Variants in SPRY3 observed in about 807,000 individuals in gnomAD.
SPRY3 encodes protein sprouty homolog 3.
Under a neutral mutation model 20.2 loss-of-function variants are expected in SPRY3, and 15 were observed. The observed-to-expected ratio is 0.74, with a 90% confidence interval of 0.50 to 1.14. The LOEUF is 1.14. SPRY3 is among the 50% of genes most tolerant of loss of function. The pLI is 0.00. For synonymous variants in SPRY3, 143 were observed against 136.5 expected (o/e 1.05, Z -0.33); for missense variants, 364 against 363.9 (o/e 1.00, Z 0.00).
At chrX:155,781,554 T>A (rs700453), downstream of SPRY3, 167,091 of 167,092 alleles carry the variant, frequency 1, 83,545 homozygotes, top group Non-Finnish European at 1. Context: ...CCAGGTCTGC[T>A]GACTCCTAGG....
At chrX:155,724,183 T>C (rs1260109900) in intron 2 of SPRY3, among the ~76,000 whole-genome samples, 1 of 152,206 alleles carries the variant, frequency 6.6e-6, no homozygotes, top group Non-Finnish European at 1.5e-5. Context: ...TTTTGGTTAC[T>C]GCAGTCTTGC....
chrX:155,735,148 T>G (rs2091159623), intron 2 of SPRY3, among the ~76,000 whole-genome samples: 1 of 152,048 alleles, frequency 6.6e-6, no homozygotes, highest in Admixed American at 6.6e-5. Flanking sequence ...CCAAATGTTT[T>G]GGAGGTTTTC....
chrX:155,717,289 A>G (rs1379955265), intron 2 of SPRY3, among the ~76,000 whole-genome samples: 1 of 151,940 alleles, frequency 6.6e-6, no homozygotes, highest in African/African-American at 2.4e-5. Flanking sequence ...TAGCTCTCAC[A>G]TTATAAGAAT....
At chrX:155,623,588 G>A (rs891008903) in intron 1 of SPRY3, among the ~76,000 whole-genome samples, 1 of 111,949 alleles carries the variant, frequency 8.9e-6, no homozygotes, top group East Asian at 2.8e-4. Flanking sequence ...GTATTCACCT[G>A]TTACCAGTTA....
At chrX:155,709,929 A>G (rs747645630) in intron 2 of SPRY3, among the ~76,000 whole-genome samples, 1 of 151,770 alleles carries the variant, frequency 6.6e-6, no homozygotes, top group African/African-American at 2.4e-5. Context: ...CCTTTTCCCC[A>G]ATGTATGTTC....
chrX:155,646,821 CACT>C (rs1408393220), intron 1 of SPRY3, among the ~76,000 whole-genome samples: 14 of 110,780 alleles, frequency 1.3e-4, no homozygotes, highest in African/African-American at 3.9e-4. Context: ...AGATTTCCAC[CACT>C]ATTTTGGATA....
intron 2 of SPRY3, among the ~76,000 whole-genome samples, chrX:155,761,357 A>G (rs2091303310): frequency 6.6e-6 from 1 of 151,658 alleles, no homozygotes; most frequent in South Asian, 2.1e-4. Flanking sequence ...TTTCAATTTC[A>G]TTTTAGATTC....
chrX:155,653,529 C>T (rs1454203394), intron 1 of SPRY3, among the ~76,000 whole-genome samples: 2 of 111,734 alleles, frequency 1.8e-5, no homozygotes, highest in Non-Finnish European at 1.9e-5. Flanking sequence ...GTCTTGGCAT[C>T]CTGGTTGAAA....
intron 2 of SPRY3, among the ~76,000 whole-genome samples, chrX:155,696,802 T>C (rs1195509110): frequency 8.9e-6 from 1 of 112,010 alleles, no homozygotes; most frequent in East Asian, 2.8e-4. Flanking sequence ...CTCAAAGACA[T>C]GAGTATTGGA....
At chrX:155,767,070 C>T (rs180890898) in intron 2 of SPRY3, among the ~76,000 whole-genome samples, 10 of 152,132 alleles carry the variant, frequency 6.6e-5, no homozygotes, top group African/African-American at 2.4e-4. Flanking sequence ...TCCACCCCAC[C>T]CCCACGTTCC....
At chrX:155,636,564 GGTAT>G (rs200537763) in intron 1 of SPRY3, among the ~76,000 whole-genome samples, 3,984 of 104,754 alleles carry the variant, frequency 0.038, 193 homozygotes, top group African/African-American at 0.12. Flanking sequence ...TATGTAGGTA[GGTAT>G]GTATGTATGT....
At chrX:155,697,540 CAT>C (rs2068123328) in intron 2 of SPRY3, among the ~76,000 whole-genome samples, 1 of 96,957 alleles carries the variant, frequency 1.0e-5, no homozygotes. Context: ...TATATATACA[CAT>C]ATATATCTGA....
intron 1 of SPRY3, among the ~76,000 whole-genome samples, chrX:155,614,733 AAGTC>A (rs2067845127): frequency 9.0e-6 from 1 of 111,251 alleles, no homozygotes; most frequent in Non-Finnish European, 1.9e-5. Context: ...AATAAAATAA[AAGTC>A]AGATATTTTA....
At chrX:155,642,280 G>C (rs183873194) in intron 1 of SPRY3, among the ~76,000 whole-genome samples, 1 of 112,023 alleles carries the variant, frequency 8.9e-6, no homozygotes, top group African/African-American at 3.2e-5. Flanking sequence ...TTGGCATATA[G>C]TTGCTCATAG....
At chrX:155,723,469 G>A (rs920282041) in intron 2 of SPRY3, among the ~76,000 whole-genome samples, 6 of 152,038 alleles carry the variant, frequency 3.9e-5, no homozygotes, top group East Asian at 1.9e-4. Flanking sequence ...TTTACTGTTC[G>A]CCATTCTAAC....
At chrX:155,711,498 T>C (rs1194460105) in intron 2 of SPRY3, among the ~76,000 whole-genome samples, 1 of 139,034 alleles carries the variant, frequency 7.2e-6, no homozygotes, top group Non-Finnish European at 1.5e-5. Context: ...TCAGTTGCTA[T>C]GTCTTTGTGT....
chrX:155,658,431 T>G (rs1335642647), intron 2 of SPRY3, among the ~76,000 whole-genome samples: 2 of 112,207 alleles, frequency 1.8e-5, no homozygotes, highest in African/African-American at 6.5e-5. Flanking sequence ...CCTAGGTATT[T>G]TAATGTTTGT....
At chrX:155,628,702 T>G (rs936470169) in intron 1 of SPRY3, among the ~76,000 whole-genome samples, 5 of 112,242 alleles carry the variant, frequency 4.5e-5, no homozygotes, top group Non-Finnish European at 9.4e-5. Context: ...TTTAAATTTT[T>G]TGAGGAACCT....
chrX:155,632,662 G>A (rs1455964016), intron 1 of SPRY3, among the ~76,000 whole-genome samples: 1 of 112,199 alleles, frequency 8.9e-6, no homozygotes, highest in Non-Finnish European at 1.9e-5. Flanking sequence ...AGGCTCTTGA[G>A]GCGTGAGCTC....
Sources: allele counts gnomAD v4.1 joint callset (sites outside exome capture counted in the v4.1 genomes callset), GRCh38; gene constraint gnomAD v4.1.1; transcripts MANE v1.5; gene names NCBI Gene and HGNC (gene_info 2026-07-23, HGNC 2026-07-21).